SLC49A4: variants seen among roughly 807,000 people sequenced by gnomAD.
SLC49A4 encodes the protein disrupted in renal cancer protein 2.
Under a neutral mutation model 50.6 loss-of-function variants are expected in SLC49A4, and 36 were observed. That is an observed-to-expected ratio of 0.71 (90% CI 0.55 to 0.94). SLC49A4 has a LOEUF of 0.94. Ranked by LOEUF, SLC49A4 falls within the 40% of genes least tolerant of loss-of-function variation. The pLI, the probability that SLC49A4 is intolerant of heterozygous loss-of-function variation, is 0.00. For synonymous variants in SLC49A4, 248 were observed against 241.2 expected (o/e 1.03, Z -0.26); for missense variants, 503 against 605.7 (o/e 0.83, Z 1.78).
At chr3:122,878,901 C>T (rs1937298534) in intron 8 of SLC49A4, among the ~76,000 whole-genome samples, 1 of 152,112 alleles carries the variant, frequency 6.6e-6, no homozygotes, top group Non-Finnish European at 1.5e-5. Context: ...TATTTATAAA[C>T]AGGGACAAGA....
intron 4 of SLC49A4, among the ~76,000 whole-genome samples, chr3:122,845,279 C>T (rs935291562): frequency 3.3e-5 from 5 of 152,158 alleles, no homozygotes; most frequent in African/African-American, 2.4e-5. Flanking sequence ...ATCCGTGTTG[C>T]TGCAAAGGTT....
intron 2 of SLC49A4, among the ~76,000 whole-genome samples, chr3:122,817,891 A>G (rs1463518543): frequency 6.7e-6 from 1 of 150,050 alleles, no homozygotes; most frequent in Non-Finnish European, 1.5e-5. Flanking sequence ...CACCTTGCCC[A>G]GTGTGCATGT....
intron 1 of SLC49A4, among the ~76,000 whole-genome samples, chr3:122,804,168 G>A (rs1936176403): frequency 6.6e-6 from 1 of 152,212 alleles, no homozygotes; most frequent in African/African-American, 2.4e-5. Flanking sequence ...ATAACAGAAG[G>A]TGAAGGGGGA....
At chr3:122,820,297 G>C (rs1438161558) in intron 2 of SLC49A4, among the ~76,000 whole-genome samples, 1 of 152,184 alleles carries the variant, frequency 6.6e-6, no homozygotes, top group Non-Finnish European at 1.5e-5. Context: ...CCATTAGCTA[G>C]TTGTATGACT....
At chr3:122,809,825 C>T in intron 2 of SLC49A4, among the ~76,000 whole-genome samples, 1 of 152,238 alleles carries the variant, frequency 6.6e-6, no homozygotes, top group Admixed American at 6.5e-5. Flanking sequence ...ATTGAATTTT[C>T]AATCTTATAC....
intron 7 of SLC49A4, among the ~76,000 whole-genome samples, chr3:122,865,108 T>G (rs951616013): frequency 6.6e-6 from 1 of 152,252 alleles, no homozygotes; most frequent in Non-Finnish European, 1.5e-5. Flanking sequence ...AACTACTGTT[T>G]TCAATTTTAT....
chr3:122,875,104 A>G (rs1310965378), intron 8 of SLC49A4, among the ~76,000 whole-genome samples: 3 of 152,214 alleles, frequency 2.0e-5, no homozygotes, highest in Non-Finnish European at 4.4e-5. Flanking sequence ...AGAGGTCCAC[A>G]TTCTTTATGG....
intron 4 of SLC49A4, among the ~76,000 whole-genome samples, chr3:122,834,886 A>G (rs1049190219): frequency 2.6e-5 from 4 of 152,186 alleles, no homozygotes; most frequent in African/African-American, 9.6e-5. Flanking sequence ...TCAATACCAC[A>G]GAAATACAAA....
intron 6 of SLC49A4, 133 bp from the exon 7 acceptor site, chr3:122,859,942 A>T: frequency 1.1e-6 from 1 of 876,916 alleles, no homozygotes; most frequent in Non-Finnish European, 1.6e-6. Context: ...AATTTGTTTT[A>T]AAAAAACACT....
chr3:122,820,065 A>G (rs1253773612), intron 2 of SLC49A4, among the ~76,000 whole-genome samples: 4 of 152,210 alleles, frequency 2.6e-5, no homozygotes, highest in Non-Finnish European at 5.9e-5. Context: ...GTTAGCATCA[A>G]TGTTAGTCAT....
Position 122,869,207 on chromosome 3 carries a change from T to C in SLC49A4, c.1139-3208T>C, listed in dbSNP as rs73193845. ...TAGAAAAAGAGTATAGAGTGAAAAG[T>C]CTCTACTCTCCTGTGACCCCCCCCA... On this transcript the variant is annotated intron_variant, in intron 7 of 8. Coordinates refer to ENST00000261038, the MANE Select transcript of SLC49A4 (RefSeq NM_032839.3). 4.7e-3 allele frequency among the ~76,000 whole-genome samples: 705 copies of C among 148,978 alleles called. 5 individuals are homozygous for C. Among genetic ancestry groups the C allele is most frequent in the Non-Finnish European group, 8.0e-3 (537 of 67,498 alleles).
chr3:122,827,486 T>C (rs1432537178), intron 3 of SLC49A4, among the ~76,000 whole-genome samples: 1 of 152,232 alleles, frequency 6.6e-6, no homozygotes, highest in Non-Finnish European at 1.5e-5. Flanking sequence ...CCATGTTCTG[T>C]AACCTTATTT....
chr3:122,829,901 T>C (rs1936586245), intron 3 of SLC49A4, among the ~76,000 whole-genome samples: 2 of 152,148 alleles, frequency 1.3e-5, no homozygotes, highest in Admixed American at 6.5e-5. Flanking sequence ...GTAAGGGAAG[T>C]AGTAAAGAAT....
At chr3:122,862,108 C>T (rs1937064135) in intron 7 of SLC49A4, among the ~76,000 whole-genome samples, 1 of 152,134 alleles carries the variant, frequency 6.6e-6, no homozygotes, top group Admixed American at 6.5e-5. Flanking sequence ...GTGCACACAT[C>T]TCATCAATAA....
chr3:122,866,962 C>T (rs1434174654), intron 7 of SLC49A4, among the ~76,000 whole-genome samples: 1 of 151,950 alleles, frequency 6.6e-6, no homozygotes, highest in Non-Finnish European at 1.5e-5. Flanking sequence ...TAAATGGTTG[C>T]TGGGGCAGCA....
Position 122,845,759 on chromosome 3 carries a change from A to G in SLC49A4, c.834-4A>G. ...CAATGTTTCCTTTTATTTCTCATTC[A>G]CAGCAATTTTCGATTTTTGATGATT... is the stretch of plus-strand genomic sequence containing the variant. On this transcript the variant is annotated splice_polypyrimidine_tract_variant and splice_region_variant and intron_variant, in intron 4 of 8. Coordinates refer to ENST00000261038, the MANE Select transcript of SLC49A4 (RefSeq NM_032839.3). The G allele has an allele frequency of 6.4e-7, 1 of 1,556,178 alleles. No individual in the cohort carries two copies. Among genetic ancestry groups the G allele is most frequent in the Middle Eastern group, 1.7e-4 (1 of 5,886 alleles).
At chr3:122,801,255 G>A (rs1356638918) in intron 1 of SLC49A4, among the ~76,000 whole-genome samples, 2 of 152,184 alleles carry the variant, frequency 1.3e-5, no homozygotes, top group Non-Finnish European at 2.9e-5. Context: ...GTTCTTGTTA[G>A]ACTACTAGAG....
At chr3:122,869,378 GTTA>G (rs1937165747) in intron 7 of SLC49A4, among the ~76,000 whole-genome samples, 1 of 152,158 alleles carries the variant, frequency 6.6e-6, no homozygotes, top group South Asian at 2.1e-4. Flanking sequence ...ATGTATCTTA[GTTA>G]TTAATATTAT....
At chr3:122,795,826 C>T (rs1033833283) in intron 1 of SLC49A4, among the ~76,000 whole-genome samples, 1 of 152,212 alleles carries the variant, frequency 6.6e-6, no homozygotes, top group African/African-American at 2.4e-5. Context: ...AACATCAGAG[C>T]ATCCCCGTGC....
Sources: gnomAD v4.1 joint callset for allele counts (sites outside exome capture counted in the v4.1 genomes callset) on GRCh38, gnomAD v4.1.1 for gene constraint, MANE v1.5 for transcripts, NCBI Gene and HGNC (gene_info 2026-07-23, HGNC 2026-07-21) for gene names.